Variants in ROBO3 observed in about 807,000 individuals in gnomAD.
The protein encoded by ROBO3 is roundabout guidance receptor 3.
ROBO3 carries 97 observed loss-of-function variants against 160.5 expected under a neutral mutation model. The ratio of observed to expected loss-of-function variants is 0.60; its 90% CI spans 0.51 to 0.72. ROBO3 has a LOEUF of 0.72. ROBO3 is among the 30% of genes least tolerant of loss of function. The pLI is 0.00. For missense variants in ROBO3, 1,858 were observed against 1,846.5 expected, an observed-to-expected ratio of 1.01 and a Z score of -0.11; for synonymous variants, 780 against 746.2, an observed-to-expected ratio of 1.05 and a Z score of -0.74.
In ROBO3 at chr11:124,876,379, G is replaced by A. The variant is rs1429171157; in HGVS notation, c.2698G>A (p.Ala900Thr). 9.0e-6 allele frequency: 13 copies of A among 1,444,974 alleles called. No individual in the cohort carries two copies. Among genetic ancestry groups the A allele is most frequent in the Non-Finnish European group, 1.1e-5 (12 of 1,106,636 alleles). 89.5% of individuals were successfully genotyped at this position (1,444,974 alleles called of 1,614,324 possible). ...EPAFLAGSGA[A>T]CGALLLGLCA... Reference sequence around the variant, plus strand: ...CGCCTTCCTCGCGGGCAGCGGCGCAGCCTGCGGGGCGCTGCTTCTCGGGCT... The same window carrying A: ...CGCCTTCCTCGCGGGCAGCGGCGCAACCTGCGGGGCGCTGCTTCTCGGGCT... Residue 900 changes from alanine (A) to threonine (T), a missense_variant, in exon 17 of 28, where the codon GCC (alanine) becomes ACC (threonine). Ala to Thr is a moderately conservative substitution (Grantham distance 58). Coordinates refer to ENST00000397801, the MANE Select transcript of ROBO3 (RefSeq NM_022370.4). This position sits in a 1 kb window ranked among gnomAD's most constrained non-coding sequence, Gnocchi z 5.3.
rs1406873329 is a variant in ROBO3, at chr11:124,872,519, A to T, written c.1297A>T (p.Ile433Phe). ...CCAGGCTGTCAGTGTGGCTGGCAGCATCCTGGCCAAGGCCCTGCTGGAGAT... is the reference window on the plus strand; with the variant it reads ...CCAGGCTGTCAGTGTGGCTGGCAGCTTCCTGGCCAAGGCCCTGCTGGAGAT... ...VCQAVSVAGS[I>F]LAKALLEIKG... Residue 433 changes from isoleucine (I) to phenylalanine (F), a missense_variant, in exon 8 of 28, where the codon ATC becomes TTC. Physicochemically the swap from Ile to Phe is conservative, Grantham distance 21. Coordinates refer to ENST00000397801, the MANE Select transcript of ROBO3 (RefSeq NM_022370.4). This position sits in a 1 kb window ranked among gnomAD's most constrained non-coding sequence, Gnocchi z 4.3. The T allele has an allele frequency of 6.2e-7, 1 of 1,613,930 alleles. No individual in the cohort carries two copies.
rs1338144252 is a variant in ROBO3 at position 124,873,510 on chromosome 11, G to A, written c.1618+119G>A. 1.6e-5 allele frequency: 17 copies of A among 1,086,650 alleles called. No individual in the cohort carries two copies. The East Asian group carries it at 1.8e-4, about 11-fold the overall frequency. 67.3% of individuals were successfully genotyped at this position (1,086,650 alleles called of 1,614,324 possible). A position where few individuals can be genotyped will look rare whatever the true frequency, so the allele number is the denominator to read the frequency against. On this transcript the variant is annotated intron_variant, in intron 10 of 27. Coordinates refer to ENST00000397801, the MANE Select transcript of ROBO3 (RefSeq NM_022370.4). The surrounding 1 kb of genome is among the most constrained non-coding windows in gnomAD (Gnocchi z 4.5). ...TTTATGTCACAAATGCCATGGTTAC[G>A]GTGGTGAGGATGAGAAGGACAGTAG... is the stretch of plus-strand genomic sequence containing the variant.
intron 20 of ROBO3, 87 bp downstream of exon 20, chr11:124,877,745 T>C: frequency 6.6e-7 from 1 of 1,526,042 alleles, no homozygotes; most frequent in Non-Finnish European, 8.9e-7. Flanking sequence ...GAGCCCGGTC[T>C]CTCTGAGGTT....
chr11:124,868,724 A>C, intron 1 of ROBO3, 78 bp from the exon 2 acceptor site: 1 of 1,365,898 alleles, frequency 7.3e-7, no homozygotes, highest in Non-Finnish European at 1.0e-6. Flanking sequence ...CGACCAGAGG[A>C]TTCTCTTTCC....
At chr11:124,866,620 T>G (rs1467352162) in intron 1 of ROBO3, among the ~76,000 whole-genome samples, 1 of 152,176 alleles carries the variant, frequency 6.6e-6, no homozygotes, top group South Asian at 2.1e-4. Flanking sequence ...CCTGGCAATA[T>G]GTGTGTGTTC....
intron 19 of ROBO3, 42 bp from the exon 20 acceptor site, chr11:124,877,477 C>G: frequency 6.2e-7 from 1 of 1,600,310 alleles, no homozygotes; most frequent in East Asian, 2.3e-5. Context: ...TTGCTGGCCT[C>G]TTCAGGCTCT....
Position 124,877,924 on chromosome 11 carries a change from T to A in ROBO3, c.2987-13T>A. The A allele has an allele frequency of 6.3e-7, 1 of 1,577,002 alleles. No homozygotes were observed. Among genetic ancestry groups the A allele is most frequent in the Non-Finnish European group, 8.7e-7 (1 of 1,154,532 alleles). The stretch of plus-strand genomic sequence containing the variant: ...TGTCTCTGCTTCCGGGCCTCCCTCT[T>A]TCTTCTCTGCAGAAGCGGGAATCTC... On this transcript the variant is annotated splice_polypyrimidine_tract_variant and intron_variant, in intron 20 of 27. Coordinates refer to ENST00000397801, the MANE Select transcript of ROBO3 (RefSeq NM_022370.4).
Position 124,869,210 on chromosome 11 carries a change from A to G in ROBO3, c.487+82A>G. On this transcript the variant is annotated intron_variant, in intron 2 of 27. Transcript: ENST00000397801. The surrounding 1 kb of genome is among the most constrained non-coding windows in gnomAD (Gnocchi z 4.2). The stretch of plus-strand genomic sequence containing the variant: ...GCACTGGGCAATCAGACCCAGAACC[A>G]GCCCCAAAGGACTTCAGCCCACTCA... 2 of 1,408,514 alleles carry G rather than the reference A, an allele frequency of 1.4e-6. No homozygotes were observed. Among genetic ancestry groups the G allele is most frequent in the Non-Finnish European group, 1.9e-6 (2 of 1,037,716 alleles). 87.3% of individuals were successfully genotyped at this position (1,408,514 alleles called of 1,614,324 possible).
Position 124,876,352 on chromosome 11 carries a change from C to T in ROBO3, c.2671C>T (p.Pro891Ser), listed in dbSNP as rs748762588. ...AVRLARVLRE[P>S]AFLAGSGAAC... is the part of the protein sequence containing the mutation. ...GCGGCTGGCGAGGGTGCTGCGGGAG[C>T]CCGCCTTCCTCGCGGGCAGCGGCGC... The change falls in exon 17 of 28, where the codon CCC (proline) becomes TCC (serine). Residue 891 changes from proline (P) to serine (S), a missense_variant. Physicochemically the swap from Pro to Ser is moderately conservative, Grantham distance 74. Coordinates refer to ENST00000397801, the MANE Select transcript of ROBO3 (RefSeq NM_022370.4). The surrounding 1 kb of genome is among the most constrained non-coding windows in gnomAD (Gnocchi z 5.3). The T allele has an allele frequency of 3.5e-6, 5 of 1,432,702 alleles. No individual in the cohort carries two copies. The highest frequency in any genetic ancestry group is 2.4e-4 in the Middle Eastern group (1 of 4,160). The allele number at this position is 1,432,702 out of a possible 1,614,324, so 88.7% of individuals were successfully genotyped here.
At chr11:124,874,696 G>A in intron 12 of ROBO3, 92 bp from the exon 13 acceptor site, 1 of 1,433,328 alleles carries the variant, frequency 7.0e-7, no homozygotes. Flanking sequence ...GGAGTACTAA[G>A]TGGAGCAGGG....
Position 124,873,416 on chromosome 11 carries a change from T to A in ROBO3, c.1618+25T>A. 6.3e-7 allele frequency: 1 copy of A among 1,585,652 alleles called. No individual in the cohort carries two copies. Among genetic ancestry groups the A allele is most frequent in the Non-Finnish European group, 8.6e-7 (1 of 1,160,696 alleles). Reference sequence around the variant, plus strand: ...GGTGAGTTTTTTCTTTCTTCCCTTATTTTGATAATACCTTCCTCCAAACCT... The same window carrying A: ...GGTGAGTTTTTTCTTTCTTCCCTTAATTTGATAATACCTTCCTCCAAACCT... On this transcript the variant is annotated intron_variant, in intron 10 of 27. Coordinates refer to ENST00000397801, the MANE Select transcript of ROBO3 (RefSeq NM_022370.4). This position sits in a 1 kb window ranked among gnomAD's most constrained non-coding sequence, Gnocchi z 4.5.
intron 5 of ROBO3, 85 bp downstream of exon 5, chr11:124,870,388 C>A: frequency 6.6e-7 from 1 of 1,522,864 alleles, no homozygotes; most frequent in South Asian, 1.3e-5. Context: ...CAGGCACATT[C>A]TCACTTGAGA....
Position 124,877,647 on chromosome 11 carries a change from G to C in ROBO3, c.2975G>C (p.Arg992Thr). ...CCTAGCAATCCTGACCCGGACGACA[G>C]ATATTACAACGGTGAGGAGTTCTCA... ...CCPSNPDPDD[R>T]YYNEAGISLY... Residue 992 changes from arginine to threonine, a missense_variant, in exon 20 of 28, where the codon AGA (arginine) becomes ACA (threonine). Coordinates refer to ENST00000397801, the MANE Select transcript of ROBO3 (RefSeq NM_022370.4). 1.2e-6 allele frequency: 2 copies of C among 1,611,170 alleles called. No individual in the cohort carries two copies. Among genetic ancestry groups the C allele is most frequent in the Non-Finnish European group, 1.7e-6 (2 of 1,178,806 alleles).
At chr11:124,867,465 C>T (rs557162186) in intron 1 of ROBO3, among the ~76,000 whole-genome samples, 1 of 152,308 alleles carries the variant, frequency 6.6e-6, no homozygotes. Context: ...CACTTGCTCT[C>T]AATCACTCCA....
chr11:124,871,417 T>C (rs769524299), intron 7 of ROBO3, among the ~76,000 whole-genome samples: 1 of 152,242 alleles, frequency 6.6e-6, no homozygotes, highest in Non-Finnish European at 1.5e-5. Flanking sequence ...TGGGCAAGGC[T>C]ATCCTGAGGA....
At chr11:124,879,725 G>T in intron 25 of ROBO3, 62 bp from the exon 26 acceptor site, 1 of 1,603,786 alleles carries the variant, frequency 6.2e-7, no homozygotes, top group East Asian at 2.2e-5. Flanking sequence ...GGGAATGCAG[G>T]TGAGAGAAAG....
In ROBO3 at chr11:124,865,730, T is replaced by C. The variant is rs761264468; in HGVS notation, c.153T>C (p.Ser51=). The change falls in exon 1 of 28, where the codon TCT becomes TCC. Residue 51 remains serine (S), a synonymous_variant. Coordinates refer to ENST00000397801, the MANE Select transcript of ROBO3 (RefSeq NM_022370.4). This position sits in a 1 kb window ranked among gnomAD's most constrained non-coding sequence, Gnocchi z 5.5. ...NHTLLPPGDP[S]LNGSRVGPED... ...CCCTGCTGCCTCCCGGCGATCCCTC[T>C]CTCAACGGTGAGACCCTGCCTCTTG... The C allele has an allele frequency of 1.9e-6, 3 of 1,607,822 alleles. No homozygotes were observed. The highest frequency in any genetic ancestry group is 1.1e-5 in the South Asian group (1 of 89,680).
chr11:124,877,695 A>C, intron 20 of ROBO3, 37 bp downstream of exon 20: 1 of 1,603,690 alleles, frequency 6.2e-7, no homozygotes, highest in East Asian at 2.2e-5. Context: ...GCTTCAGCGC[A>C]CTTCTCCCGA....
Position 124,876,203 on chromosome 11 carries a change from G to C in ROBO3, c.2594-72G>C. 3 of 1,520,434 alleles carry C rather than the reference G, an allele frequency of 2.0e-6. No homozygotes were observed. The highest frequency in any genetic ancestry group is 2.6e-6 in the Non-Finnish European group (3 of 1,141,470). 94.2% of individuals were successfully genotyped at this position (1,520,434 alleles called of 1,614,324 possible). On this transcript the variant is annotated intron_variant, in intron 16 of 27. Transcript: ENST00000397801. The surrounding 1 kb of genome is among the most constrained non-coding windows in gnomAD (Gnocchi z 5.3). ...CCCCACTGGGGTAGCTGTGCCTGCC[G>C]GGTCGGGAATGACCCTTTCCCAGTT...
Sources: allele counts gnomAD v4.1 joint callset (sites outside exome capture counted in the v4.1 genomes callset), GRCh38; gene constraint gnomAD v4.1.1; non-coding constraint Gnocchi (gnomAD v3.1); transcripts MANE v1.5; gene names NCBI Gene and HGNC (gene_info 2026-07-23, HGNC 2026-07-21).